The following ASB11 variants were observed in gnomAD, a reference collection of about 807,000 sequenced individuals.
ASB11 encodes the protein ankyrin repeat and SOCS box protein 11.
ASB11 carries 17 observed loss-of-function variants against 20.1 expected under a neutral mutation model. The ratio of observed to expected loss-of-function variants is 0.85; its 90% CI spans 0.58 to 1.27. The LOEUF is 1.27. Among genes scored for constraint, ASB11 ranks in the 50% most tolerant of loss-of-function variants. The pLI is 0.00. For missense variants in ASB11, 259 were observed against 256.9 expected, an observed-to-expected ratio of 1.01 and a Z score of -0.06; for synonymous variants, 107 against 105.6, an observed-to-expected ratio of 1.01 and a Z score of -0.08.
intron 2 of ASB11, among the ~76,000 whole-genome samples, chrX:15,300,543 G>A (rs981991340): frequency 1.8e-5 from 2 of 112,231 alleles, no homozygotes; most frequent in African/African-American, 6.5e-5. Flanking sequence ...TTTGTATAAA[G>A]AATGCCCCCT....
intron 4 of ASB11, chrX:15,292,043 A>G: frequency 9.0e-6 from 1 of 110,563 alleles, no homozygotes; most frequent in Middle Eastern, 4.7e-3. Flanking sequence ...GAAAAAAAAA[A>G]AAAAAAGAAA....
At chrX:15,292,725 T>C (rs1927564336) in intron 4 of ASB11, among the ~76,000 whole-genome samples, 1 of 112,406 alleles carries the variant, frequency 8.9e-6, no homozygotes, top group Admixed American at 9.5e-5. Flanking sequence ...CAGCCTTGGC[T>C]TTCAGATACT....
chrX:15,301,022 C>T (rs1029868641), intron 2 of ASB11, among the ~76,000 whole-genome samples: 4 of 111,263 alleles, frequency 3.6e-5, no homozygotes, highest in African/African-American at 6.5e-5. Flanking sequence ...AGTGAAGTGA[C>T]GCGATCTCGG....
intron 2 of ASB11, among the ~76,000 whole-genome samples, chrX:15,301,318 A>G (rs1027611869): frequency 4.5e-5 from 5 of 112,272 alleles, no homozygotes; most frequent in African/African-American, 1.3e-4. Flanking sequence ...ATTACCTATT[A>G]AAAATAATCA....
At chrX:15,287,620 C>T (rs888254543) in intron 6 of ASB11, among the ~76,000 whole-genome samples, 1 of 112,672 alleles carries the variant, frequency 8.9e-6, no homozygotes, top group Non-Finnish European at 1.9e-5. Flanking sequence ...CCACCACGCC[C>T]AGCCGGTTTT....
At chrX:15,310,137 G>A (rs2147704563) in intron 1 of ASB11, among the ~76,000 whole-genome samples, 1 of 109,944 alleles carries the variant, frequency 9.1e-6, no homozygotes, top group South Asian at 3.9e-4. Flanking sequence ...CCACAGTGGG[G>A]TCTCCTGCTT....
In ASB11 at chrX:15,283,582, G is replaced by C. The variant is rs892319331; in HGVS notation, c.895C>G (p.Leu299Val). 1 of 1,207,282 alleles carries C rather than the reference G, an allele frequency of 8.3e-7. No homozygotes were observed. Among genetic ancestry groups the C allele is most frequent in the African/African-American group, 1.8e-5 (1 of 56,820 alleles). Residue 299 changes from leucine (L) to valine (V), a missense_variant, in exon 7 of 7, where the codon CTC (leucine) becomes GTC (valine). Leu to Val is a conservative substitution (Grantham distance 32). Coordinates refer to ENST00000480796, the MANE Select transcript of ASB11 (RefSeq NM_080873.3). ...QLCRLCVRKC[L>V]GRACHQAIHK... is the part of the protein sequence containing the mutation. ...ATGGCTTGATGACATGCTCGACCGA[G>C]ACACTTCCGGACACACAGGCGGCAG...
intron 1 of ASB11, chrX:15,314,649 A>G: frequency 1.5e-6 from 1 of 668,907 alleles, no homozygotes; most frequent in Non-Finnish European, 1.9e-6. Flanking sequence ...GTAATCCTGG[A>G]ACCCCTGCAA....
At chrX:15,313,209 G>A (rs1017426670) in intron 1 of ASB11, among the ~76,000 whole-genome samples, 4 of 111,075 alleles carry the variant, frequency 3.6e-5, no homozygotes, top group Non-Finnish European at 7.5e-5. Context: ...GACCAGCCTG[G>A]CCAACATAGC....
Position 15,284,181 on chromosome X carries a change from G to A in ASB11, c.848-552C>T, listed in dbSNP as rs867187277. Among the ~76,000 whole-genome samples, 108 of 105,743 alleles carry A rather than the reference G, an allele frequency of 1.0e-3. 1 individual carries two copies. Among genetic ancestry groups the A allele is most frequent in the Non-Finnish European group, 1.8e-3 (94 of 51,460 alleles). The allele number at this position is 105,743 out of a possible 115,157, so 91.8% of individuals were successfully genotyped here. ...GCAGGAGAATGGCGTGAACCCGGGA[G>A]GCGGAGCTTGCAGTGAGCCGAGATC... is the stretch of plus-strand genomic sequence containing the variant. On this transcript the variant is annotated intron_variant, in intron 6 of 6. Transcript: ENST00000480796.
At chrX:15,309,364 T>C (rs759271939) in intron 1 of ASB11, among the ~76,000 whole-genome samples, 1 of 108,491 alleles carries the variant, frequency 9.2e-6, no homozygotes, top group Non-Finnish European at 1.9e-5. Flanking sequence ...ATGAGTCTAA[T>C]GCCTGATGAT....
chrX:15,293,910 T>C (rs1244491045), intron 3 of ASB11, among the ~76,000 whole-genome samples: 1 of 97,887 alleles, frequency 1.0e-5, no homozygotes, highest in Non-Finnish European at 2.1e-5. Flanking sequence ...GGGGGAGGGA[T>C]AGCATTAGGA....
intron 6 of ASB11, among the ~76,000 whole-genome samples, chrX:15,286,178 G>A (rs73447232): frequency 0.016 from 1,801 of 110,910 alleles, 33 homozygotes; most frequent in African/African-American, 0.056. Flanking sequence ...ATCCTCAAGT[G>A]AACTGATATG....
chrX:15,295,947 T>G (rs867421204), intron 3 of ASB11, among the ~76,000 whole-genome samples: 6 of 111,932 alleles, frequency 5.4e-5, no homozygotes, highest in African/African-American at 1.6e-4. Flanking sequence ...CTAATGAAAA[T>G]GCATGACCAC....
chrX:15,293,927 T>G (rs1217776516), intron 3 of ASB11, among the ~76,000 whole-genome samples: 1 of 108,856 alleles, frequency 9.2e-6, no homozygotes, highest in African/African-American at 3.4e-5. Flanking sequence ...AGGATGTAAA[T>G]GACGAGTTAA....
At chrX:15,308,122 A>G (rs1921302162) in intron 1 of ASB11, among the ~76,000 whole-genome samples, 1 of 111,895 alleles carries the variant, frequency 8.9e-6, no homozygotes, top group African/African-American at 3.3e-5. Flanking sequence ...GGGAAATGGG[A>G]TGGGAAGTGT....
At chrX:15,300,361 T>C (rs1921025951) in intron 2 of ASB11, among the ~76,000 whole-genome samples, 1 of 112,378 alleles carries the variant, frequency 8.9e-6, no homozygotes. Context: ...GGTTTAATGT[T>C]TTACTCACAT....
chrX:15,293,008 T>C (rs977598195), intron 4 of ASB11, among the ~76,000 whole-genome samples, 162 bp downstream of exon 4: 1 of 112,140 alleles, frequency 8.9e-6, no homozygotes, highest in Non-Finnish European at 1.9e-5. Flanking sequence ...TTCCTGAAGA[T>C]TTAGGCAAAT....
intron 1 of ASB11, among the ~76,000 whole-genome samples, chrX:15,306,006 T>G (rs1248003234): frequency 1.2e-4 from 13 of 112,141 alleles, no homozygotes; most frequent in Non-Finnish European, 2.3e-4. Flanking sequence ...GCTCCACTTA[T>G]AAGTGAGAAC....
Sources: gnomAD v4.1 joint callset for allele counts (sites outside exome capture counted in the v4.1 genomes callset) on GRCh38, gnomAD v4.1.1 for gene constraint, MANE v1.5 for transcripts, NCBI Gene and HGNC (gene_info 2026-07-23, HGNC 2026-07-21) for gene names.